The following MAGI3 variants were observed in gnomAD, a reference collection of about 807,000 sequenced individuals.
MAGI3 encodes the protein membrane-associated guanylate kinase, WW and PDZ domain-containing protein 3.
Under a neutral mutation model 121.8 loss-of-function variants are expected in MAGI3, and 43 were observed. That is an observed-to-expected ratio of 0.35 (90% CI 0.28 to 0.46). The LOEUF (loss-of-function observed/expected upper bound fraction) is 0.46, where lower values mean the gene tolerates loss of function less well. Among genes scored for constraint, MAGI3 ranks in the 20% least tolerant of loss-of-function variants. The pLI is 1.00. For synonymous variants in MAGI3, 553 were observed against 639.3 expected (o/e 0.86, Z 2.04); for missense variants, 1,547 against 1,797.3 (o/e 0.86, Z 2.52).
At chr1:113,510,644 T>A (rs1657570504) in intron 1 of MAGI3, among the ~76,000 whole-genome samples, 1 of 152,220 alleles carries the variant, frequency 6.6e-6, no homozygotes, top group Admixed American at 6.5e-5. Context: ...CATATGACAT[T>A]CCTGCTGAAA....
At chr1:113,533,626 TA>T (rs1658828517) in intron 1 of MAGI3, among the ~76,000 whole-genome samples, 2 of 152,212 alleles carry the variant, frequency 1.3e-5, no homozygotes, top group South Asian at 4.2e-4. Context: ...AGATGAAATT[TA>T]GCTATATATC....
intron 9 of MAGI3, among the ~76,000 whole-genome samples, chr1:113,635,284 A>AG: frequency 6.6e-6 from 1 of 152,284 alleles, no homozygotes; most frequent in East Asian, 1.9e-4. Context: ...GTGGTGAGAG[A>AG]GGGCATCCCT....
At chr1:113,602,650 G>A (rs553639777) in intron 6 of MAGI3, among the ~76,000 whole-genome samples, 177 of 152,248 alleles carry the variant, frequency 1.2e-3, no homozygotes, top group Non-Finnish European at 1.9e-3. Flanking sequence ...AAAAACAGTA[G>A]GCCAGATACT....
intron 9 of MAGI3, among the ~76,000 whole-genome samples, chr1:113,626,842 T>G (rs1419123125): frequency 2.0e-5 from 3 of 152,174 alleles, no homozygotes; most frequent in Non-Finnish European, 4.4e-5. Flanking sequence ...CTTACCTCTT[T>G]TTTTCTGTTA....
chr1:113,597,514 C>G (rs989662294), intron 6 of MAGI3, among the ~76,000 whole-genome samples: 1 of 152,124 alleles, frequency 6.6e-6, no homozygotes. Context: ...GACTTATGCA[C>G]TTCACAAAAG....
At chr1:113,554,412 A>G (rs1429212265) in intron 2 of MAGI3, among the ~76,000 whole-genome samples, 2 of 152,050 alleles carry the variant, frequency 1.3e-5, no homozygotes, top group Non-Finnish European at 2.9e-5. Context: ...AACTAATGAA[A>G]CTGAAGCATA....
intron 1 of MAGI3, among the ~76,000 whole-genome samples, chr1:113,465,662 A>G (rs11102641): frequency 0.15 from 23,160 of 151,984 alleles, 2,799 homozygotes; most frequent in East Asian, 0.63. Context: ...TTTTTTTGGC[A>G]TCCTCTTCAG....
At chr1:113,496,546 G>A (rs1656926592) in intron 1 of MAGI3, among the ~76,000 whole-genome samples, 1 of 152,150 alleles carries the variant, frequency 6.6e-6, no homozygotes, top group Non-Finnish European at 1.5e-5. Context: ...GCAAACCTCT[G>A]ACTTGATGGA....
At chr1:113,525,071 C>T (rs1397463167) in intron 1 of MAGI3, among the ~76,000 whole-genome samples, 1 of 152,158 alleles carries the variant, frequency 6.6e-6, no homozygotes, top group African/African-American at 2.4e-5. Flanking sequence ...TGCCTTTCAC[C>T]TTCCACCATG....
At chr1:113,437,545 C>T (rs546122897) in intron 1 of MAGI3, among the ~76,000 whole-genome samples, 2 of 152,026 alleles carry the variant, frequency 1.3e-5, no homozygotes, top group African/African-American at 4.8e-5. Flanking sequence ...ATTTTTCATT[C>T]AGTTATTTAG....
chr1:113,450,676 T>C lies in MAGI3; in HGVS notation c.316+59327T>C, dbSNP rs1000422421. ...GTGGAAGAAGCTCGGGCAGTCCCTA[T>C]GGTGGTGGTTATGGATCTGGTGGTG... On this transcript the variant is annotated intron_variant, in intron 1 of 20. Transcript: ENST00000307546. 4.6e-6 allele frequency: 5 copies of C among 1,082,692 alleles called. No homozygotes were observed. The African/African-American group carries it at 7.7e-5, about 17-fold the overall frequency. 67.1% of individuals were successfully genotyped at this position (1,082,692 alleles called of 1,614,324 possible).
intron 2 of MAGI3, among the ~76,000 whole-genome samples, chr1:113,573,791 G>A (rs961415536): frequency 3.3e-5 from 5 of 152,198 alleles, no homozygotes; most frequent in Middle Eastern, 3.4e-3. Flanking sequence ...TGACAGTGGG[G>A]TGTTATAGTC....
intron 1 of MAGI3, among the ~76,000 whole-genome samples, chr1:113,540,828 A>G (rs1321848975): frequency 6.6e-6 from 1 of 152,238 alleles, no homozygotes; most frequent in African/African-American, 2.4e-5. Context: ...AAAAATCATA[A>G]AAACAAAAAA....
chr1:113,449,601 A>G (rs1463890559), intron 1 of MAGI3: 1 of 639,972 alleles, frequency 1.6e-6, no homozygotes, highest in Non-Finnish European at 2.8e-6. Flanking sequence ...TTTTTTCCCA[A>G]TAGATTGAGT....
chr1:113,523,038 T>C (rs1658277991), intron 1 of MAGI3, among the ~76,000 whole-genome samples: 1 of 152,202 alleles, frequency 6.6e-6, no homozygotes, highest in Admixed American at 6.5e-5. Context: ...TTCTTTCCCA[T>C]GTTCTTCTCA....
intron 1 of MAGI3, among the ~76,000 whole-genome samples, chr1:113,531,938 T>G (rs1242798876): frequency 6.6e-6 from 1 of 152,216 alleles, no homozygotes; most frequent in Non-Finnish European, 1.5e-5. Flanking sequence ...TTTTATACAT[T>G]GGAATTTCTT....
intron 4 of MAGI3, among the ~76,000 whole-genome samples, chr1:113,590,055 C>G (rs570645639): frequency 6.6e-6 from 1 of 152,164 alleles, no homozygotes; most frequent in South Asian, 2.1e-4. Flanking sequence ...AACTTAACCT[C>G]TCTGTGCCTT....
Position 113,539,750 on chromosome 1 carries a change from T to A in MAGI3, c.317-9765T>A, listed in dbSNP as rs556167455. ...CTTGCTTTTTTTCATTTAAAATATA[T>A]CATGAGCATTGGACTGCATTGTCAT... On this transcript the variant is annotated intron_variant, in intron 1 of 20. Coordinates refer to ENST00000307546, the MANE Select transcript of MAGI3 (RefSeq NM_001142782.2). Among the ~76,000 whole-genome samples, 131 of 152,162 alleles carry A rather than the reference T, an allele frequency of 8.6e-4. 1 individual carries two copies. Among genetic ancestry groups the A allele is most frequent in the African/African-American group, 2.8e-3 (118 of 41,526 alleles).
In MAGI3 at chr1:113,673,436, G is replaced by C; in HGVS notation, c.3160G>C (p.Gly1054Arg). The C allele has an allele frequency of 6.2e-7, 1 of 1,612,938 alleles. No homozygotes were observed. Among genetic ancestry groups the C allele is most frequent in the Non-Finnish European group, 8.5e-7 (1 of 1,179,898 alleles). ...GLFILRLAED[G>R]PAIKDGRIHV... ...GTTCATCCTTCGTCTTGCTGAAGAT[G>C]GTCCTGCCATCAAAGATGGCAGAAT... The change falls in exon 19 of 21, where the codon GGT (glycine) becomes CGT (arginine). Residue 1054 changes from glycine (G) to arginine (R), a missense_variant. Coordinates refer to ENST00000307546, the MANE Select transcript of MAGI3 (RefSeq NM_001142782.2).
Sources: allele counts gnomAD v4.1 joint callset (sites outside exome capture counted in the v4.1 genomes callset), GRCh38; gene constraint gnomAD v4.1.1; transcripts MANE v1.5; gene names NCBI Gene and HGNC (gene_info 2026-07-23, HGNC 2026-07-21).